CACHD1: variants seen among roughly 807,000 people sequenced by gnomAD.
CACHD1 encodes VWFA and cache domain-containing protein 1.
CACHD1 carries 71 observed loss-of-function variants against 138.7 expected under a neutral mutation model. The observed-to-expected ratio is 0.51, with a 90% CI of 0.42 to 0.62. The LOEUF (loss-of-function observed/expected upper bound fraction) is 0.62, where lower values mean the gene tolerates loss of function less well. Among genes scored for constraint, CACHD1 ranks in the 20% least tolerant of loss-of-function variants. The probability of loss-of-function intolerance (pLI) is 0.00; values close to 1 mark genes in which losing one functional copy is unlikely to be tolerated. For missense variants in CACHD1, 1,389 were observed against 1,625.3 expected, an observed-to-expected ratio of 0.85 and a Z score of 2.50; for synonymous variants, 578 against 591.5, an observed-to-expected ratio of 0.98 and a Z score of 0.33.
In CACHD1 at chr1:64,675,919, T is replaced by C; in HGVS notation, c.2911T>C (p.Cys971Arg). ...CAGAATGGAACAAAATGAATGTGAA[T>C]GTCCTTGTGAGTGCCCTCTAGAGGT... Reference protein sequence around the residue: ...CHRMEQNECECPCECPLEVNE... With the variant: ...CHRMEQNECERPCECPLEVNE... Residue 971 changes from cysteine to arginine, a missense_variant, in exon 21 of 27, where the codon TGT becomes CGT. By Grantham distance (180) the Cys-to-Arg change is radical (BLOSUM62 -3). This residue lies in a region of CACHD1 where 50 missense variants were observed against 108.2 expected (regional missense o/e 0.46). Coordinates refer to ENST00000651257, the MANE Select transcript of CACHD1 (RefSeq NM_020925.4). The C allele has an allele frequency of 6.5e-7, 1 of 1,542,654 alleles. No individual in the cohort carries two copies. Among genetic ancestry groups the C allele is most frequent in the Non-Finnish European group, 8.7e-7 (1 of 1,143,230 alleles).
At chr1:64,625,626 CAG>C (rs200280281) in intron 4 of CACHD1, among the ~76,000 whole-genome samples, 6,754 of 142,322 alleles carry the variant, frequency 0.047, 507 homozygotes, top group African/African-American at 0.17. Context: ...GACTCAGTCT[CAG>C]AAAAAAAAAA....
intron 3 of CACHD1, among the ~76,000 whole-genome samples, chr1:64,600,726 T>A (rs1252035438): frequency 6.6e-6 from 1 of 152,240 alleles, no homozygotes; most frequent in Non-Finnish European, 1.5e-5. Flanking sequence ...ATTTTAAAAT[T>A]ATGGCACATG....
intron 8 of CACHD1, 21 bp downstream of exon 8, chr1:64,641,990 T>A: frequency 6.5e-7 from 1 of 1,529,642 alleles, no homozygotes; most frequent in Non-Finnish European, 8.7e-7. Context: ...TTTCAAGATA[T>A]TCCTTTCAGA....
intron 15 of CACHD1, 40 bp from the exon 16 acceptor site, chr1:64,666,017 T>C (rs1319750186): frequency 8.0e-7 from 1 of 1,246,958 alleles, no homozygotes; most frequent in Admixed American, 2.0e-5. Context: ...AAAAAATAAA[T>C]AAAAAATAAA....
intron 1 of CACHD1, among the ~76,000 whole-genome samples, chr1:64,518,603 G>C (rs560526370): frequency 6.6e-6 from 1 of 152,302 alleles, no homozygotes; most frequent in Non-Finnish European, 1.5e-5. Flanking sequence ...TGGAGTCAGA[G>C]GATCAAGGTC....
rs181639721 is a variant in CACHD1, at chr1:64,650,448, G to A, written c.1391-1713G>A. Among the ~76,000 whole-genome samples, 464 of 152,200 alleles carry A rather than the reference G, an allele frequency of 3.0e-3. 3 individuals carry two copies. The Middle Eastern group carries it at 0.031, about 10-fold the overall frequency. Reference sequence around the variant, plus strand: ...ACCTGGGAAAAACCTTCTCCAAAATGCATTTCTAAAACCTCCTTAAATACA... The same window carrying A: ...ACCTGGGAAAAACCTTCTCCAAAATACATTTCTAAAACCTCCTTAAATACA... On this transcript the variant is annotated intron_variant, in intron 9 of 26. Transcript: ENST00000651257.
At chr1:64,515,960 T>C (rs1458714776) in intron 1 of CACHD1, among the ~76,000 whole-genome samples, 4 of 152,192 alleles carry the variant, frequency 2.6e-5, no homozygotes, top group Admixed American at 1.3e-4. Flanking sequence ...CTTTCATTTT[T>C]TGGAATTCAG....
intron 4 of CACHD1, among the ~76,000 whole-genome samples, chr1:64,610,644 A>T (rs755057207): frequency 1.3e-5 from 2 of 152,220 alleles, no homozygotes; most frequent in African/African-American, 2.4e-5. Flanking sequence ...AGCTCCGCCC[A>T]TGTGGCTTTG....
chr1:64,678,568 G>T (rs1418670319), intron 23 of CACHD1, among the ~76,000 whole-genome samples: 2 of 152,140 alleles, frequency 1.3e-5, no homozygotes, highest in African/African-American at 4.8e-5. Flanking sequence ...TAAATATAAG[G>T]ACTGGTTTCT....
chr1:64,559,830 A>C (rs542221622), intron 2 of CACHD1, among the ~76,000 whole-genome samples: 2 of 152,100 alleles, frequency 1.3e-5, no homozygotes, highest in Non-Finnish European at 2.9e-5. Context: ...TCTTTAATAG[A>C]TATAGATAGA....
At chr1:64,535,952 T>C (rs1646629517) in intron 1 of CACHD1, among the ~76,000 whole-genome samples, 1 of 152,186 alleles carries the variant, frequency 6.6e-6, no homozygotes, top group Non-Finnish European at 1.5e-5. Flanking sequence ...GCAACTGTTA[T>C]TGAGCCCCTA....
intron 1 of CACHD1, among the ~76,000 whole-genome samples, chr1:64,501,487 A>G (rs975861282): frequency 2.6e-4 from 40 of 152,174 alleles, no homozygotes; most frequent in South Asian, 8.3e-4. Flanking sequence ...CTTTGAACTG[A>G]TTTATGCCTT....
chr1:64,612,939 A>G (rs1002389755), intron 4 of CACHD1, among the ~76,000 whole-genome samples: 3 of 152,232 alleles, frequency 2.0e-5, no homozygotes, highest in African/African-American at 4.8e-5. Flanking sequence ...AAGTAAATTA[A>G]CACCTTCTGG....
chr1:64,653,734 A>T, intron 10 of CACHD1, 24 bp from the exon 11 acceptor site: 1 of 1,604,848 alleles, frequency 6.2e-7, no homozygotes, highest in Non-Finnish European at 8.5e-7. Flanking sequence ...TCTTATTAAC[A>T]TGCATTTTGT....
intron 6 of CACHD1, 29 bp from the exon 7 acceptor site, chr1:64,634,015 G>A: frequency 1.4e-6 from 2 of 1,419,450 alleles, no homozygotes; most frequent in South Asian, 2.5e-5. Context: ...AACAAGTTTG[G>A]TGGTTTTTTT....
chr1:64,647,143 C>T (rs1648934126), intron 8 of CACHD1, among the ~76,000 whole-genome samples: 1 of 59,292 alleles, frequency 1.7e-5, no homozygotes, highest in Non-Finnish European at 3.2e-5. Flanking sequence ...TCCCAGTATG[C>T]CTAAATTTTG....
intron 2 of CACHD1, among the ~76,000 whole-genome samples, chr1:64,569,411 G>GT (rs1024009634): frequency 7.2e-5 from 11 of 152,048 alleles, no homozygotes; most frequent in Admixed American, 5.2e-4. Context: ...TTTTTTAGTG[G>GT]TAGTGTTGTT....
intron 1 of CACHD1, among the ~76,000 whole-genome samples, chr1:64,499,071 G>T (rs190534058): frequency 5.3e-5 from 8 of 152,106 alleles, no homozygotes; most frequent in Admixed American, 3.3e-4. Flanking sequence ...CTGATACAGC[G>T]GCTCCAGCAT....
chr1:64,673,851 G>A (rs926076371), intron 19 of CACHD1, among the ~76,000 whole-genome samples: 4 of 152,190 alleles, frequency 2.6e-5, no homozygotes, highest in African/African-American at 9.7e-5. Context: ...CCAAGGCCAA[G>A]TTAGGTCAGT....
Sources: allele counts gnomAD v4.1 joint callset (sites outside exome capture counted in the v4.1 genomes callset), GRCh38; gene constraint gnomAD v4.1.1; regional missense constraint gnomAD v4.1.1; transcripts MANE v1.5; gene names NCBI Gene and HGNC (gene_info 2026-07-23, HGNC 2026-07-21).